ACSM3: variants seen among roughly 807,000 people sequenced by gnomAD.
The protein encoded by ACSM3 is acyl-coenzyme A synthetase ACSM3, mitochondrial.
A neutral mutation model predicts 74.1 loss-of-function variants in ACSM3; 61 were observed. The observed-to-expected ratio is 0.82, with a 90% CI of 0.67 to 1.02. The LOEUF is 1.02. ACSM3 is among the 50% of genes least tolerant of loss of function. The pLI, the probability that ACSM3 is intolerant of heterozygous loss-of-function variation, is 0.00. For synonymous variants in ACSM3, 213 were observed against 241.5 expected, an observed-to-expected ratio of 0.88 and a Z score of 1.09; for missense variants, 660 against 697.0, an observed-to-expected ratio of 0.95 and a Z score of 0.60.
At chr16:20,700,317 A>G (rs556708562) in intron 1 of ACSM3, among the ~76,000 whole-genome samples, 5 of 152,296 alleles carry the variant, frequency 3.3e-5, no homozygotes, top group Non-Finnish European at 7.4e-5. Context: ...TAGAAAGGCA[A>G]AAGCCAATAA....
chr16:20,784,048 C>T (rs116890567), intron 7 of ACSM3, among the ~76,000 whole-genome samples: 2,789 of 152,216 alleles, frequency 0.018, 29 homozygotes, highest in Non-Finnish European at 0.03. Flanking sequence ...TCAGGTGATC[C>T]GCCCACCTCT....
chr16:20,775,694 C>A (rs2080246991), intron 2 of ACSM3, 145 bp from the exon 3 acceptor site: 2 of 769,702 alleles, frequency 2.6e-6, no homozygotes, highest in Non-Finnish European at 4.3e-6. Flanking sequence ...TGATGTCTCC[C>A]CCAGAGTTAT....
At chr16:20,786,198 A>G in intron 9 of ACSM3, 40 bp downstream of exon 9, 1 of 1,604,842 alleles carries the variant, frequency 6.2e-7, no homozygotes, top group African/African-American at 1.3e-5. Context: ...TAACAACCCA[A>G]TCTGTACACT....
intron 3 of ACSM3, among the ~76,000 whole-genome samples, chr16:20,756,361 G>T (rs2080031543): frequency 6.6e-6 from 1 of 151,892 alleles, no homozygotes; most frequent in South Asian, 2.1e-4. Flanking sequence ...TTGTGGTTTT[G>T]ATTTGCATTT....
At chr16:20,712,175 A>G (rs2079746049) in intron 1 of ACSM3, among the ~76,000 whole-genome samples, 1 of 152,154 alleles carries the variant, frequency 6.6e-6, no homozygotes, top group African/African-American at 2.4e-5. Flanking sequence ...TTGTAAATAA[A>G]GTTTTACTGG....
At chr16:20,792,975 C>A (rs1489756138) in intron 12 of ACSM3, among the ~76,000 whole-genome samples, 1 of 152,168 alleles carries the variant, frequency 6.6e-6, no homozygotes, top group Non-Finnish European at 1.5e-5. Flanking sequence ...GTTACAAGTT[C>A]TCACAAGTAT....
intron 1 of ACSM3, among the ~76,000 whole-genome samples, chr16:20,720,096 A>G (rs1037329892): frequency 1.3e-5 from 2 of 152,194 alleles, no homozygotes; most frequent in African/African-American, 2.4e-5. Context: ...TTAAGGCAGA[A>G]GTCCCCCAGC....
At chr16:20,737,924 C>T (rs766340150) in intron 1 of ACSM3, 1 of 1,610,786 alleles carries the variant, frequency 6.2e-7, no homozygotes, top group Non-Finnish European at 8.5e-7. Context: ...TTGTACATAT[C>T]CTGGAGAATA....
intron 12 of ACSM3, among the ~76,000 whole-genome samples, chr16:20,792,984 A>G (rs963316636): frequency 1.3e-5 from 2 of 152,172 alleles, no homozygotes; most frequent in African/African-American, 4.8e-5. Context: ...TCTCACAAGT[A>G]TTTCTTCAAG....
intron 1 of ACSM3, among the ~76,000 whole-genome samples, chr16:20,716,288 G>T (rs1006863040): frequency 6.6e-6 from 1 of 152,118 alleles, no homozygotes; most frequent in Non-Finnish European, 1.5e-5. Flanking sequence ...AAAAGCTGGG[G>T]CAGGACTGGC....
At chr16:20,759,633 T>C (rs187832274), upstream of ACSM3, among the ~76,000 whole-genome samples, 3 of 149,610 alleles carry the variant, frequency 2.0e-5, no homozygotes, top group Admixed American at 1.3e-4. Context: ...TCTAGGAGGG[T>C]AGAACATCTG....
intron 1 of ACSM3, among the ~76,000 whole-genome samples, chr16:20,689,745 A>T (rs1359246967): frequency 6.6e-6 from 1 of 152,234 alleles, no homozygotes; most frequent in African/African-American, 2.4e-5. Context: ...TCTCCAACCC[A>T]TCTTGTTTCA....
At chr16:20,693,727 T>C (rs537879988) in intron 1 of ACSM3, among the ~76,000 whole-genome samples, 10 of 152,336 alleles carry the variant, frequency 6.6e-5, no homozygotes, top group Admixed American at 2.6e-4. Flanking sequence ...TGCCTGCTTC[T>C]CCACTTATTG....
chr16:20,696,796 C>T (rs1458884035), intron 1 of ACSM3, among the ~76,000 whole-genome samples: 2 of 152,176 alleles, frequency 1.3e-5, no homozygotes, highest in African/African-American at 4.8e-5. Context: ...GGACTTGGGA[C>T]TGATAAAGCT....
intron 1 of ACSM3, among the ~76,000 whole-genome samples, chr16:20,767,628 G>A (rs1342600811): frequency 1.3e-5 from 2 of 151,994 alleles, no homozygotes; most frequent in Non-Finnish European, 2.9e-5. Flanking sequence ...AACCTGCAGG[G>A]CAACTGGGAT....
chr16:20,691,690 G>T (rs1226092623), intron 1 of ACSM3, among the ~76,000 whole-genome samples: 1 of 151,476 alleles, frequency 6.6e-6, no homozygotes, highest in Admixed American at 6.6e-5. Flanking sequence ...TTGGTCCAGG[G>T]TTGAGCAGTC....
At chr16:20,682,395 TA>T in intron 1 of ACSM3, 7 of 1,614,044 alleles carry the variant, frequency 4.3e-6, no homozygotes, top group Non-Finnish European at 5.9e-6. Context: ...CCCTTGGCTT[TA>T]GACAACTGTA....
chr16:20,795,219 C>G (rs1027712007), intron 12 of ACSM3, among the ~76,000 whole-genome samples: 3 of 152,150 alleles, frequency 2.0e-5, no homozygotes, highest in African/African-American at 7.2e-5. Flanking sequence ...CAAAGTCTCA[C>G]TATGTTGCCC....
At chr16:20,785,593 A>G (rs2080453953) in intron 8 of ACSM3, among the ~76,000 whole-genome samples, 1 of 152,304 alleles carries the variant, frequency 6.6e-6, no homozygotes, top group Middle Eastern at 3.4e-3. Context: ...AAAAAATGAA[A>G]TAAGAACAAA....
Sources: gnomAD v4.1 joint callset for allele counts (sites outside exome capture counted in the v4.1 genomes callset) on GRCh38, gnomAD v4.1.1 for gene constraint, MANE v1.5 for transcripts, NCBI Gene and HGNC (gene_info 2026-07-23, HGNC 2026-07-21) for gene names.